VOPP1: variants seen among roughly 807,000 people sequenced by gnomAD.
The protein encoded by VOPP1 is WW domain binding protein VOPP1.
Under a neutral mutation model 23.5 loss-of-function variants are expected in VOPP1, and 8 were observed. The ratio of observed to expected loss-of-function variants is 0.34; its 90% CI spans 0.20 to 0.61. The LOEUF (loss-of-function observed/expected upper bound fraction) is 0.61. Ranked by LOEUF, VOPP1 falls within the 20% of genes least tolerant of loss-of-function variation. The pLI, the probability that VOPP1 is intolerant of heterozygous loss-of-function variation, is 0.78. For synonymous variants in VOPP1, 83 were observed against 97.3 expected, an observed-to-expected ratio of 0.85 and a Z score of 0.86; for missense variants, 174 against 238.1, an observed-to-expected ratio of 0.73 and a Z score of 1.77.
chr7:55,519,823 C>G (rs1167721263), intron 2 of VOPP1, among the ~76,000 whole-genome samples: 1 of 152,230 alleles, frequency 6.6e-6, no homozygotes, highest in Non-Finnish European at 1.5e-5. Flanking sequence ...CTACACTGGG[C>G]TCCTCAAGAA....
chr7:55,476,865 G>T (rs1792296235), intron 4 of VOPP1, among the ~76,000 whole-genome samples: 1 of 152,180 alleles, frequency 6.6e-6, no homozygotes, highest in Non-Finnish European at 1.5e-5. Flanking sequence ...TCTCCAGAGG[G>T]ACAGGGCCTG....
intron 1 of VOPP1, among the ~76,000 whole-genome samples, chr7:55,540,680 G>A (rs914109382): frequency 2.6e-5 from 4 of 152,170 alleles, no homozygotes; most frequent in South Asian, 2.1e-4. Flanking sequence ...CACCACGGGC[G>A]CTGCCCTCAC....
At chr7:55,484,037 C>T (rs774488680) in intron 4 of VOPP1, among the ~76,000 whole-genome samples, 3 of 152,164 alleles carry the variant, frequency 2.0e-5, no homozygotes, top group Admixed American at 6.5e-5. Context: ...GGATTACCGG[C>T]GAGAGCCACC....
chr7:55,551,667 A>C (rs1473718856), intron 1 of VOPP1, among the ~76,000 whole-genome samples: 1 of 152,178 alleles, frequency 6.6e-6, no homozygotes, highest in African/African-American at 2.4e-5. Context: ...GAGGTGGAGG[A>C]AGAGGGCCTC....
chr7:55,571,031 C>G (rs559337933), intron 1 of VOPP1, among the ~76,000 whole-genome samples: 1 of 152,114 alleles, frequency 6.6e-6, no homozygotes, highest in Non-Finnish European at 1.5e-5. Flanking sequence ...TGTTTTCATG[C>G]GATTACTGGT....
chr7:55,572,413 T>G lies in VOPP1; in HGVS notation c.-89A>C, dbSNP rs1161615939. ...CCCCGCGCGGGGCGGGCGGGCAGAC[T>G]GCAGCCGGGAGCCGTCCCGCCGACC... On this transcript the variant is annotated 5_prime_UTR_variant, in exon 1 of 5. Transcript: ENST00000285279. 8.3e-6 allele frequency: 8 copies of G among 961,694 alleles called. No individual in the cohort carries two copies. Among genetic ancestry groups the G allele is most frequent in the Non-Finnish European group, 1.0e-5 (8 of 764,298 alleles). 59.6% of individuals were successfully genotyped at this position (961,694 alleles called of 1,614,324 possible). A position where few individuals can be genotyped will look rare whatever the true frequency, so the allele number is the denominator to read the frequency against.
intron 4 of VOPP1, 66 bp downstream of exon 4, chr7:55,492,216 C>T (rs764408882): frequency 1.9e-6 from 3 of 1,539,636 alleles, no homozygotes; most frequent in Non-Finnish European, 2.6e-6. Flanking sequence ...TGCAGCAGTA[C>T]CCTTTATAAA....
At chr7:55,553,263 A>AAAATACAT (rs751699222) in intron 1 of VOPP1, among the ~76,000 whole-genome samples, 188 of 152,340 alleles carry the variant, frequency 1.2e-3, no homozygotes, top group Non-Finnish European at 1.6e-3. Context: ...TTCATATTTT[A>AAAATACAT]GTTCCAACAC....
At chr7:55,452,151 C>A (rs1326563218) in intron 4 of VOPP1, among the ~76,000 whole-genome samples, 1 of 152,188 alleles carries the variant, frequency 6.6e-6, no homozygotes, top group Non-Finnish European at 1.5e-5. Context: ...GTAATTTCAA[C>A]AATATTCACA....
At chr7:55,513,066 A>G (rs1253685415) in intron 2 of VOPP1, among the ~76,000 whole-genome samples, 2 of 152,228 alleles carry the variant, frequency 1.3e-5, no homozygotes, top group Non-Finnish European at 2.9e-5. Context: ...AGGGTAATAT[A>G]AGCACTTTAA....
At chr7:55,562,797 G>C (rs1798031946) in intron 1 of VOPP1, among the ~76,000 whole-genome samples, 1 of 152,144 alleles carries the variant, frequency 6.6e-6, no homozygotes, top group Non-Finnish European at 1.5e-5. Flanking sequence ...AGTGAGAAGA[G>C]GGCTCAGAGG....
intron 2 of VOPP1, chr7:55,515,954 G>T (rs1385557044): frequency 3.0e-6 from 3 of 985,200 alleles, no homozygotes; most frequent in African/African-American, 3.5e-5. Context: ...TCTCATCTCT[G>T]GGCTCCAGGA....
chr7:55,493,120 CTA>C (rs1240598941), intron 3 of VOPP1: 8 of 152,214 alleles, frequency 5.3e-5, no homozygotes, highest in African/African-American at 1.7e-4. Context: ...TTCTCATTGA[CTA>C]TCACTTCATC....
At chr7:55,560,897 A>T (rs766772313) in intron 1 of VOPP1, among the ~76,000 whole-genome samples, 33 of 152,172 alleles carry the variant, frequency 2.2e-4, no homozygotes, top group Non-Finnish European at 4.1e-4. Flanking sequence ...ACCCTAACAT[A>T]GCCATCATAA....
At chr7:55,459,936 T>C (rs1405972675) in intron 4 of VOPP1, among the ~76,000 whole-genome samples, 2 of 152,150 alleles carry the variant, frequency 1.3e-5, no homozygotes, top group African/African-American at 2.4e-5. Flanking sequence ...GGTTTTCTAG[T>C]TCCTTGAGGT....
intron 2 of VOPP1, among the ~76,000 whole-genome samples, chr7:55,503,382 A>C (rs1457071056): frequency 6.6e-6 from 1 of 152,226 alleles, no homozygotes; most frequent in Admixed American, 6.5e-5. Context: ...CACAGGAGGA[A>C]AGAGGGTATG....
At chr7:55,468,526 C>T (rs184206084), downstream of VOPP1, among the ~76,000 whole-genome samples, 28 of 152,304 alleles carry the variant, frequency 1.8e-4, 1 homozygote, top group East Asian at 3.1e-3. Flanking sequence ...GATGGATCAA[C>T]AGTCATGGTT....
At chr7:55,559,942 C>G (rs923251900) in intron 1 of VOPP1, among the ~76,000 whole-genome samples, 5 of 152,206 alleles carry the variant, frequency 3.3e-5, no homozygotes, top group Non-Finnish European at 5.9e-5. Flanking sequence ...CACCTGAGGT[C>G]AGGAGTTCCA....
chr7:55,497,554 T>TGGGG, intron 3 of VOPP1, 59 bp downstream of exon 3: 1 of 973,972 alleles, frequency 1.0e-6, no homozygotes, highest in Non-Finnish European at 1.5e-6. Flanking sequence ...ACAACACTGA[T>TGGGG]GGGGGGGGGG....
Sources: gnomAD v4.1 joint callset for allele counts (sites outside exome capture counted in the v4.1 genomes callset) on GRCh38, gnomAD v4.1.1 for gene constraint, MANE v1.5 for transcripts, NCBI Gene and HGNC (gene_info 2026-07-23, HGNC 2026-07-21) for gene names.